The following GLIS3 variants were observed in gnomAD, a reference collection of about 807,000 sequenced individuals.
GLIS3 encodes zinc finger protein GLIS3.
GLIS3 carries 53 observed loss-of-function variants against 78.6 expected under a neutral mutation model. The observed-to-expected ratio is 0.67, with a 90% CI of 0.54 to 0.85. GLIS3 has a LOEUF of 0.85. Among genes scored for constraint, GLIS3 ranks in the 40% least tolerant of loss-of-function variants. The pLI is 0.00. For missense variants in GLIS3, 1,703 were observed against 1,231.1 expected, an observed-to-expected ratio of 1.38 and a Z score of -5.74; for synonymous variants, 684 against 509.9, an observed-to-expected ratio of 1.34 and a Z score of -4.60.
intron 4 of GLIS3, among the ~76,000 whole-genome samples, chr9:4,060,465 G>C (rs1395047197): frequency 6.6e-6 from 1 of 152,170 alleles, no homozygotes; most frequent in East Asian, 1.9e-4. Flanking sequence ...TTAATCCCCA[G>C]TGTGGCAGTA....
chr9:3,861,096 CAT>C (rs1820184049), intron 8 of GLIS3, among the ~76,000 whole-genome samples: 2 of 152,172 alleles, frequency 1.3e-5, no homozygotes, highest in South Asian at 4.1e-4. Flanking sequence ...GTGATCAACA[CAT>C]GTTTATGGAA....
chr9:4,414,932 C>A, the GLIS3 span, among the ~76,000 whole-genome samples: 1 of 151,840 alleles, frequency 6.6e-6, no homozygotes, highest in African/African-American at 2.4e-5. Context: ...TCCACTGATC[C>A]CCACCCTGCT....
chr9:4,268,089 T>A (rs1826184438), intron 2 of GLIS3, among the ~76,000 whole-genome samples: 1 of 152,174 alleles, frequency 6.6e-6, no homozygotes, highest in South Asian at 2.1e-4. Flanking sequence ...ATAGCCAGTA[T>A]GGCTTAGTGA....
intron 2 of GLIS3, among the ~76,000 whole-genome samples, chr9:4,263,184 C>G (rs1005251806): frequency 3.3e-5 from 5 of 152,184 alleles, no homozygotes; most frequent in African/African-American, 9.7e-5. Flanking sequence ...CAATTCACAG[C>G]ATCCTTTGGG....
chr9:4,105,472 C>G (rs1182140591), intron 4 of GLIS3, among the ~76,000 whole-genome samples: 1 of 152,072 alleles, frequency 6.6e-6, no homozygotes, highest in Non-Finnish European at 1.5e-5. Context: ...ATTAGCAAAC[C>G]ATCTTTGGAG....
At chr9:4,096,279 G>T (rs751752722) in intron 4 of GLIS3, among the ~76,000 whole-genome samples, 20 of 152,092 alleles carry the variant, frequency 1.3e-4, no homozygotes, top group Non-Finnish European at 2.9e-4. Flanking sequence ...GGTAAATTTG[G>T]GTGTTTGGTT....
At position 3,932,341 on chromosome 9, in the gene GLIS3, G is replaced by T; in HGVS notation, c.1983+19C>A. ...CTGAACATGCTTTTCCCGACTGGAA[G>T]ATTCTCTTTTAAAATTACCTTTTTC... On this transcript the variant is annotated intron_variant, in intron 6 of 10. Transcript: ENST00000381971. The T allele has an allele frequency of 1.9e-6, 3 of 1,566,822 alleles. No homozygotes were observed. The highest frequency in any genetic ancestry group is 1.1e-5 in the South Asian group (1 of 90,106).
At chr9:4,409,569 A>G in the GLIS3 span, among the ~76,000 whole-genome samples, 1 of 152,228 alleles carries the variant, frequency 6.6e-6, no homozygotes, top group Non-Finnish European at 1.5e-5. Flanking sequence ...TGGAACATAC[A>G]CAATGAGAAT....
the GLIS3 span, among the ~76,000 whole-genome samples, chr9:4,376,880 T>C: frequency 7.4e-6 from 1 of 135,016 alleles, no homozygotes; most frequent in African/African-American, 2.6e-5. Flanking sequence ...ATCAGGATGC[T>C]TGCAAATGCG....
At chr9:3,863,624 A>T (rs1163042852) in intron 8 of GLIS3, among the ~76,000 whole-genome samples, 1 of 152,268 alleles carries the variant, frequency 6.6e-6, no homozygotes, top group African/African-American at 2.4e-5. Flanking sequence ...TACACTGAGC[A>T]TGACAAAATG....
intron 2 of GLIS3, among the ~76,000 whole-genome samples, chr9:4,320,806 T>G (rs1292888447): frequency 2.0e-5 from 3 of 152,168 alleles, no homozygotes; most frequent in Non-Finnish European, 4.4e-5. Context: ...CCCAACATTG[T>G]ATTATGTCTT....
the GLIS3 span, among the ~76,000 whole-genome samples, chr9:4,358,662 A>G: frequency 6.6e-6 from 1 of 152,034 alleles, no homozygotes; most frequent in African/African-American, 2.4e-5. Context: ...TGGCCTTGGC[A>G]TGCCTTGTAC....
the GLIS3 span, among the ~76,000 whole-genome samples, chr9:4,435,904 G>A: frequency 8.5e-5 from 13 of 152,110 alleles, no homozygotes; most frequent in African/African-American, 2.9e-4. Flanking sequence ...AGCCAAGATC[G>A]TGCCACTGCA....
At position 4,286,436 on chromosome 9, in the gene GLIS3, C is replaced by A. The variant is rs1828012358; in HGVS notation, c.-11G>T. The A allele has an allele frequency of 6.2e-7, 1 of 1,613,584 alleles. No individual in the cohort carries two copies. The highest frequency in any genetic ancestry group is 1.3e-5 in the African/African-American group (1 of 74,924). On this transcript the variant is annotated 5_prime_UTR_variant, in exon 2 of 11. It adds an upstream start codon to the 5' untranslated region. Transcript: ENST00000381971. Reference sequence around the variant, plus strand: ...TGATCTTCCATTCATTCTGAAAAACCTGTGGCCAAGACGGTCAAATATCCA... The same window carrying A: ...TGATCTTCCATTCATTCTGAAAAACATGTGGCCAAGACGGTCAAATATCCA...
the GLIS3 span, among the ~76,000 whole-genome samples, chr9:4,458,746 T>C: frequency 6.6e-6 from 1 of 152,074 alleles, no homozygotes; most frequent in South Asian, 2.1e-4. Context: ...TGTGGTGAGA[T>C]GAGATCGCAC....
At chr9:3,894,436 A>G (rs935893722) in intron 7 of GLIS3, among the ~76,000 whole-genome samples, 1 of 152,232 alleles carries the variant, frequency 6.6e-6, no homozygotes, top group African/African-American at 2.4e-5. Context: ...GTCCCACGAC[A>G]GCAAATATAC....
At chr9:4,102,857 G>A (rs187248321) in intron 4 of GLIS3, among the ~76,000 whole-genome samples, 72 of 151,992 alleles carry the variant, frequency 4.7e-4, no homozygotes, top group African/African-American at 1.5e-3. Context: ...AAGCACTGTT[G>A]CAACCTCCAT....
chr9:4,214,423 G>A (rs183349392), intron 2 of GLIS3, among the ~76,000 whole-genome samples: 519 of 152,232 alleles, frequency 3.4e-3, no homozygotes, highest in Non-Finnish European at 3.8e-3. Context: ...TATCTCCATC[G>A]GCACGTATGT....
intron 4 of GLIS3, among the ~76,000 whole-genome samples, chr9:4,001,119 C>A (rs1374576411): frequency 2.0e-5 from 3 of 152,196 alleles, no homozygotes; most frequent in Non-Finnish European, 4.4e-5. Context: ...TACCCTCAAA[C>A]AGCTTGCAAT....
Sources: gnomAD v4.1 joint callset for allele counts (sites outside exome capture counted in the v4.1 genomes callset) on GRCh38, gnomAD v4.1.1 for gene constraint, MANE v1.5 for transcripts, NCBI Gene and HGNC (gene_info 2026-07-23, HGNC 2026-07-21) for gene names.